EPG5: variants seen among roughly 807,000 people sequenced by gnomAD.
EPG5 encodes ectopic P-granules 5 autophagy tethering factor, also known as ectopic P granules protein 5 homolog.
Under a neutral mutation model 302.7 loss-of-function variants are expected in EPG5, and 159 were observed. The ratio of observed to expected loss-of-function variants is 0.53; its 90% CI spans 0.46 to 0.60. The LOEUF (loss-of-function observed/expected upper bound fraction) is 0.60. Ranked by LOEUF, EPG5 falls within the 20% of genes least tolerant of loss-of-function variation. EPG5 has a pLI of 0.00. For synonymous variants in EPG5, 1,158 were observed against 1,136.8 expected (o/e 1.02, Z -0.37); for missense variants, 2,896 against 3,092.4 (o/e 0.94, Z 1.51).
chr18:45,960,945 G>T (rs1008974562), intron 1 of EPG5, among the ~76,000 whole-genome samples: 6 of 152,088 alleles, frequency 3.9e-5, no homozygotes, highest in African/African-American at 7.2e-5. Context: ...ATTGCTACAT[G>T]TTTATTTCAA....
At chr18:45,931,231 GACAA>G (rs1458941398) in intron 11 of EPG5, among the ~76,000 whole-genome samples, 10 of 152,210 alleles carry the variant, frequency 6.6e-5, no homozygotes, top group Non-Finnish European at 1.5e-4. Context: ...GTAACTGTCA[GACAA>G]ACAAAGACCT....
chr18:45,945,049 A>G (rs1013529654), intron 7 of EPG5, among the ~76,000 whole-genome samples: 1 of 152,178 alleles, frequency 6.6e-6, no homozygotes, highest in African/African-American at 2.4e-5. Flanking sequence ...GACCATTAAA[A>G]AGGACGCTAC....
At chr18:45,855,770 T>A (rs1441279338) in intron 42 of EPG5, 83 bp from the exon 43 acceptor site, 1 of 874,714 alleles carries the variant, frequency 1.1e-6, no homozygotes, top group Middle Eastern at 2.2e-4. Flanking sequence ...TTCTATGACA[T>A]AAAAAGATGA....
At chr18:45,816,940 A>G in the EPG5 span, among the ~76,000 whole-genome samples, 1 of 152,262 alleles carries the variant, frequency 6.6e-6, no homozygotes, top group Non-Finnish European at 1.5e-5. Context: ...AGCCATAAAA[A>G]AGGAATGAAT....
chr18:45,814,218 T>C, the EPG5 span, among the ~76,000 whole-genome samples: 1 of 152,210 alleles, frequency 6.6e-6, no homozygotes, highest in Non-Finnish European at 1.5e-5. Context: ...ATCACTTTTA[T>C]GGTATTCCAG....
At chr18:45,808,858 T>C in the EPG5 span, among the ~76,000 whole-genome samples, 6 of 152,146 alleles carry the variant, frequency 3.9e-5, 1 homozygote, top group African/African-American at 7.2e-5. Flanking sequence ...AGGCAACAAA[T>C]AGCCGATGAA....
downstream of EPG5, chr18:45,844,060 C>A (rs527383249): frequency 3.3e-5 from 5 of 150,938 alleles, no homozygotes; most frequent in African/African-American, 1.2e-4. Context: ...AGAAAATGAA[C>A]ACACAATGAA....
intron 21 of EPG5, 115 bp from the exon 22 acceptor site, chr18:45,912,571 T>A: frequency 9.1e-7 from 1 of 1,095,244 alleles, no homozygotes; most frequent in Non-Finnish European, 1.3e-6. Context: ...TTCAATAATA[T>A]ATTTTTTAAA....
In EPG5 at chr18:45,855,558, A is replaced by G. The variant is rs59817706; in HGVS notation, c.7557+15T>C. 2.4e-3 allele frequency: 3,918 copies of G among 1,600,232 alleles called. 85 individuals carry two copies. In the African/African-American group the frequency reaches 0.045, roughly 19 times the overall value. On this transcript the variant is annotated intron_variant, in intron 43 of 43. Transcript: ENST00000282041. ...TGTGCAGGCAAACTTCTAACCCTTC[A>G]TTGTATATACTGACCTGCTGAGCTT...
chr18:45,919,804 A>G (rs978339603), intron 16 of EPG5, among the ~76,000 whole-genome samples: 2 of 151,854 alleles, frequency 1.3e-5, no homozygotes, highest in Non-Finnish European at 2.9e-5. Flanking sequence ...GAGCCACTGC[A>G]CCCGGCCTAC....
chr18:45,954,489 G>A lies in EPG5; in HGVS notation c.913C>T (p.Leu305=), dbSNP rs2143780716. Residue 305 remains leucine (L), a synonymous_variant, in exon 2 of 44, where the codon CTG becomes TTG. Transcript: ENST00000282041. ...GTAAGCAGCTCAGCTTCAGCCAGCAGCAGTTGCTTCCTACATCGTGAGTAG... is the reference window on the plus strand; with the variant it reads ...GTAAGCAGCTCAGCTTCAGCCAGCAACAGTTGCTTCCTACATCGTGAGTAG... ...LNYSRCRKQL[L]LAEAELLTLT... 3 of 1,614,230 alleles carry A rather than the reference G, an allele frequency of 1.9e-6. No individual in the cohort carries two copies. The highest frequency in any genetic ancestry group is 2.5e-6 in the Non-Finnish European group (3 of 1,180,032).
At chr18:45,912,207 T>G in intron 22 of EPG5, 83 bp downstream of exon 22, 1 of 1,262,736 alleles carries the variant, frequency 7.9e-7, no homozygotes, top group South Asian at 1.9e-5. Context: ...CAACTCACAC[T>G]CCACAGTCTA....
chr18:45,902,042 C>A (rs2049630892), intron 25 of EPG5, among the ~76,000 whole-genome samples: 1 of 152,102 alleles, frequency 6.6e-6, no homozygotes, highest in Admixed American at 6.5e-5. Flanking sequence ...TAGCAAGAAA[C>A]AGAGGAAGGC....
intron 23 of EPG5, among the ~76,000 whole-genome samples, chr18:45,908,610 T>C (rs2049815766): frequency 6.6e-6 from 1 of 152,198 alleles, no homozygotes; most frequent in South Asian, 2.1e-4. Context: ...AGCATGTGTG[T>C]ACGCCCCTCT....
intron 1 of EPG5, among the ~76,000 whole-genome samples, chr18:45,965,772 G>A (rs2051234458): frequency 6.6e-6 from 1 of 152,232 alleles, no homozygotes; most frequent in African/African-American, 2.4e-5. Context: ...TATATAAATA[G>A]GGTGGGCGCG....
intron 1 of EPG5, among the ~76,000 whole-genome samples, chr18:45,959,244 G>A (rs1005144967): frequency 1.3e-5 from 2 of 152,092 alleles, no homozygotes; most frequent in Non-Finnish European, 2.9e-5. Flanking sequence ...GCGAGGCTGA[G>A]GCAGGAGAAT....
intron 1 of EPG5, among the ~76,000 whole-genome samples, chr18:45,956,469 T>TTTTC (rs59106901): frequency 0.11 from 16,367 of 152,048 alleles, 1,147 homozygotes; most frequent in African/African-American, 0.2. Context: ...TTATTTTTTT[T>TTTTC]TTTTTGAGAC....
At chr18:45,915,985 T>C (rs1308060423) in intron 19 of EPG5, 24 bp downstream of exon 19, 17 of 1,583,052 alleles carry the variant, frequency 1.1e-5, no homozygotes, top group African/African-American at 1.4e-5. Flanking sequence ...CACTGAAAGA[T>C]AAATTCTCTA....
chr18:45,831,734 T>G, the EPG5 span, among the ~76,000 whole-genome samples: 3 of 140,264 alleles, frequency 2.1e-5, no homozygotes, highest in African/African-American at 8.4e-5. Context: ...AGTGTCCAGG[T>G]ACCAACATCT....
Sources: allele counts gnomAD v4.1 joint callset (sites outside exome capture counted in the v4.1 genomes callset), GRCh38; gene constraint gnomAD v4.1.1; transcripts MANE v1.5; gene names NCBI Gene and HGNC (gene_info 2026-07-23, HGNC 2026-07-21).